The following DTNB variants were observed in gnomAD, a reference collection of about 807,000 sequenced individuals.
DTNB encodes dystrobrevin beta.
DTNB carries 63 observed loss-of-function variants against 90.7 expected under a neutral mutation model. That is an observed-to-expected ratio of 0.69 (90% CI 0.57 to 0.86). The LOEUF (loss-of-function observed/expected upper bound fraction) is 0.86, where lower values mean the gene tolerates loss of function less well. DTNB is among the 40% of genes least tolerant of loss of function. DTNB has a pLI of 0.00. For synonymous variants in DTNB, 277 were observed against 286.7 expected (o/e 0.97, Z 0.34); for missense variants, 744 against 807.1 (o/e 0.92, Z 0.95).
chr2:25,547,393 C>T (rs1039170586), intron 8 of DTNB, among the ~76,000 whole-genome samples: 23 of 146,310 alleles, frequency 1.6e-4, no homozygotes, highest in Non-Finnish European at 3.3e-4. Flanking sequence ...GGCACAATCT[C>T]GGCTCACTGC....
At chr2:25,526,374 TATATATATATATATATATATA>T (rs2077103848) in intron 9 of DTNB, among the ~76,000 whole-genome samples, 1 of 31,940 alleles carries the variant, frequency 3.1e-5, no homozygotes, top group Admixed American at 2.7e-4. Flanking sequence ...TATATATATA[TATATATATATATATATATATA>T]TTTTTTTTTT....
At chr2:25,650,633 T>G (rs2080701426) in intron 2 of DTNB, among the ~76,000 whole-genome samples, 1 of 152,138 alleles carries the variant, frequency 6.6e-6, no homozygotes, top group Non-Finnish European at 1.5e-5. Context: ...ATTAAAGTGA[T>G]GAGAAGCAAG....
intron 10 of DTNB, among the ~76,000 whole-genome samples, chr2:25,479,584 A>C (rs2064490046): frequency 6.6e-6 from 1 of 152,234 alleles, no homozygotes; most frequent in Non-Finnish European, 1.5e-5. Flanking sequence ...AAATCCCTAC[A>C]GTAGAACCTC....
intron 1 of DTNB, among the ~76,000 whole-genome samples, chr2:25,667,071 C>G (rs2084622289): frequency 3.3e-5 from 5 of 151,602 alleles, no homozygotes; most frequent in Admixed American, 3.3e-4. Context: ...TAGACTGAGG[C>G]CCAGTAGGTC....
At chr2:25,656,710 T>C (rs911972997) in intron 1 of DTNB, among the ~76,000 whole-genome samples, 1 of 152,248 alleles carries the variant, frequency 6.6e-6, no homozygotes. Flanking sequence ...GTTCATCCTG[T>C]GGGCATACAG....
intron 4 of DTNB, among the ~76,000 whole-genome samples, chr2:25,607,607 T>A (rs576823231): frequency 1.3e-5 from 2 of 152,164 alleles, no homozygotes; most frequent in Non-Finnish European, 2.9e-5. Flanking sequence ...GAACCTGAAG[T>A]GAATTTCCTA....
chr2:25,550,198 T>C (rs2083326695), intron 8 of DTNB, among the ~76,000 whole-genome samples: 1 of 152,108 alleles, frequency 6.6e-6, no homozygotes, highest in Non-Finnish European at 1.5e-5. Context: ...GAGACCATCC[T>C]GGCTAACACG....
At chr2:25,517,004 T>C (rs1394593122) in intron 9 of DTNB, among the ~76,000 whole-genome samples, 3 of 152,212 alleles carry the variant, frequency 2.0e-5, no homozygotes, top group Non-Finnish European at 4.4e-5. Context: ...AAGACATGAA[T>C]GTTCATAGCA....
chr2:25,532,274 TTGATGGGCTACGATAC>T (rs1056936976), intron 8 of DTNB, among the ~76,000 whole-genome samples: 1 of 151,810 alleles, frequency 6.6e-6, no homozygotes, highest in Non-Finnish European at 1.5e-5. Context: ...AAAGAACTTT[TTGATGGGCTACGATAC>T]TAAAAGGCTA....
At chr2:25,463,962 G>C (rs1341662419) in intron 10 of DTNB, among the ~76,000 whole-genome samples, 1 of 152,236 alleles carries the variant, frequency 6.6e-6, no homozygotes, top group Non-Finnish European at 1.5e-5. Context: ...CTGGAGTGCA[G>C]TGGCGCAATC....
chr2:25,448,633 T>A (rs1197817680), intron 12 of DTNB, among the ~76,000 whole-genome samples: 1 of 152,092 alleles, frequency 6.6e-6, no homozygotes, highest in Non-Finnish European at 1.5e-5. Context: ...GGCAGGCGGA[T>A]CATGAGGTCA....
chr2:25,584,831 A>C (rs779208273), intron 6 of DTNB, among the ~76,000 whole-genome samples: 8 of 152,228 alleles, frequency 5.3e-5, no homozygotes, highest in Non-Finnish European at 8.8e-5. Context: ...TGATGGGATT[A>C]CAGGCGTGAG....
intron 8 of DTNB, among the ~76,000 whole-genome samples, chr2:25,572,639 CCAAGTT>C (rs2151302082): frequency 6.6e-6 from 1 of 151,814 alleles, no homozygotes; most frequent in South Asian, 2.1e-4. Context: ...CCCTGCCAGA[CCAAGTT>C]CTCAGAGGTT....
Position 25,550,589 on chromosome 2 carries a change from C to T in DTNB, c.877-18992G>A, listed in dbSNP as rs899534798. Among the ~76,000 whole-genome samples the T allele has an allele frequency of 1.4e-4, 22 of 152,068 alleles. 2 individuals carry two copies. Among genetic ancestry groups the T allele is most frequent in the Admixed American group, 1.3e-3 (20 of 15,268 alleles). The stretch of plus-strand genomic sequence containing the variant: ...TCTATTTAATATTTGAGGGCTTATA[C>T]CTTTTCAGTACTGGAAATTCTAGAA... On this transcript the variant is annotated intron_variant, in intron 8 of 20. Transcript: ENST00000406818.
chr2:25,383,773 G>A, intron 19 of DTNB, 63 bp downstream of exon 19: 1 of 1,613,716 alleles, frequency 6.2e-7, no homozygotes, highest in South Asian at 1.1e-5. Context: ...CAAAGTGGGG[G>A]GCGGCTGATC....
In DTNB at chr2:25,473,644, T is replaced by C. The variant is rs547763427; in HGVS notation, c.1079+9152A>G. Reference sequence around the variant, plus strand: ...GTTGGCTCTAAGTATTTGTATCTCCTTTGCTGGTGTGAGATTCGCTGGAAG... The same window carrying C: ...GTTGGCTCTAAGTATTTGTATCTCCCTTGCTGGTGTGAGATTCGCTGGAAG... On this transcript the variant is annotated intron_variant, in intron 10 of 20. Transcript: ENST00000406818. Among the ~76,000 whole-genome samples the C allele has an allele frequency of 6.6e-5, 10 of 152,300 alleles. No homozygotes were observed. The South Asian group carries it at 2.1e-3, about 32-fold the overall frequency.
intron 5 of DTNB, among the ~76,000 whole-genome samples, chr2:25,598,579 T>C (rs1023701207): frequency 4.6e-5 from 7 of 152,104 alleles, no homozygotes; most frequent in Non-Finnish European, 7.4e-5. Context: ...GACTCCAAAA[T>C]AAATACCATT....
intron 4 of DTNB, among the ~76,000 whole-genome samples, chr2:25,614,651 T>G (rs1204912359): frequency 1.3e-5 from 2 of 152,216 alleles, no homozygotes; most frequent in African/African-American, 4.8e-5. Context: ...TTTAGAGAGA[T>G]ATACTATGTT....
intron 7 of DTNB, among the ~76,000 whole-genome samples, chr2:25,578,882 T>G (rs980899706): frequency 1.3e-5 from 2 of 152,064 alleles, no homozygotes; most frequent in Non-Finnish European, 2.9e-5. Flanking sequence ...AAAAAAACCA[T>G]AAATACCATA....
Sources: allele counts gnomAD v4.1 joint callset (sites outside exome capture counted in the v4.1 genomes callset), GRCh38; gene constraint gnomAD v4.1.1; transcripts MANE v1.5; gene names NCBI Gene and HGNC (gene_info 2026-07-23, HGNC 2026-07-21).